PKHD1L1: variants seen among roughly 807,000 people sequenced by gnomAD.
The protein encoded by PKHD1L1 is fibrocystin-L.
Under a neutral mutation model 462.9 loss-of-function variants are expected in PKHD1L1, and 434 were observed. The ratio of observed to expected loss-of-function variants is 0.94; its 90% CI spans 0.87 to 1.02. The LOEUF (loss-of-function observed/expected upper bound fraction) is 1.02, where lower values mean the gene tolerates loss of function less well. Ranked by LOEUF, PKHD1L1 falls within the 50% of genes least tolerant of loss-of-function variation. The pLI, the probability that PKHD1L1 is intolerant of heterozygous loss-of-function variation, is 0.00. For missense variants in PKHD1L1, 5,202 were observed against 5,096.1 expected (o/e 1.02, Z -0.63); for synonymous variants, 1,781 against 1,750.0 (o/e 1.02, Z -0.44).
rs1821089168 is a variant in PKHD1L1, at chr8:109,533,592, T to C, written c.*3502T>C. On this transcript the variant is annotated 3_prime_UTR_variant, in exon 78 of 78. Transcript: ENST00000378402. Reference sequence around the variant, plus strand: ...GGTTACAAAAACAGACATTATCTCGTGGCATATTCTAGAAACTGACCTTAA... The same window carrying C: ...GGTTACAAAAACAGACATTATCTCGCGGCATATTCTAGAAACTGACCTTAA... Among the ~76,000 whole-genome samples, 7 of 152,356 alleles carry C rather than the reference T, an allele frequency of 4.6e-5. No individual in the cohort carries two copies. In the South Asian group the frequency reaches 1.5e-3, roughly 32 times the overall value.
intron 59 of PKHD1L1, among the ~76,000 whole-genome samples, chr8:109,487,124 GT>G (rs1302265760): frequency 1.3e-5 from 2 of 151,782 alleles, no homozygotes; most frequent in African/African-American, 4.8e-5. Flanking sequence ...TATTGTTTTT[GT>G]TTTGTTTTAA....
At chr8:109,421,644 C>T (rs537231334) in intron 23 of PKHD1L1, among the ~76,000 whole-genome samples, 1 of 152,068 alleles carries the variant, frequency 6.6e-6, no homozygotes, top group African/African-American at 2.4e-5. Flanking sequence ...ATTAGCCGGG[C>T]GTGGTGGCGG....
chr8:109,384,252 C>G lies in PKHD1L1; in HGVS notation c.475+125C>G, dbSNP rs1812316971. 3.6e-6 allele frequency: 3 copies of G among 827,530 alleles called. No individual in the cohort carries two copies. In the South Asian group the frequency reaches 5.2e-5, roughly 14 times the overall value. The allele number at this position is 827,530 out of a possible 1,614,324, so 51.3% of individuals were successfully genotyped here. A position where few individuals can be genotyped will look rare whatever the true frequency, so the allele number is the denominator to read the frequency against. On this transcript the variant is annotated intron_variant, in intron 5 of 77. Transcript: ENST00000378402. ...AGCATTTTTTTCATTATAAAAATAA[C>G]TATCAGCCAGGCGCGGTGGCTCATG...
intron 49 of PKHD1L1, 80 bp downstream of exon 49, chr8:109,465,325 A>G: frequency 7.0e-7 from 1 of 1,433,738 alleles, no homozygotes; most frequent in South Asian, 1.4e-5. Context: ...GTTAAAGCAG[A>G]CTTAGGTGCC....
At chr8:109,395,342 C>T (rs541301804) in intron 10 of PKHD1L1, among the ~76,000 whole-genome samples, 70 of 152,110 alleles carry the variant, frequency 4.6e-4, no homozygotes, top group African/African-American at 1.7e-3. Context: ...GAAAATTGTA[C>T]GTCATTCCCG....
At chr8:109,463,544 A>G (rs1817253001) in intron 48 of PKHD1L1, among the ~76,000 whole-genome samples, 2 of 152,122 alleles carry the variant, frequency 1.3e-5, no homozygotes, top group Non-Finnish European at 2.9e-5. Flanking sequence ...ATGAGATTAT[A>G]TGCTCACATG....
chr8:109,426,932 C>T (rs1317311473), intron 24 of PKHD1L1, 70 bp from the exon 25 acceptor site: 5 of 877,220 alleles, frequency 5.7e-6, no homozygotes, highest in African/African-American at 3.3e-5. Flanking sequence ...AGATTACAGG[C>T]GTGAACCACC....
At chr8:109,434,718 C>A (rs1815300510) in intron 28 of PKHD1L1, among the ~76,000 whole-genome samples, 1 of 152,180 alleles carries the variant, frequency 6.6e-6, no homozygotes, top group Non-Finnish European at 1.5e-5. Flanking sequence ...ATCCACCCGC[C>A]TCAGCCTTCT....
intron 17 of PKHD1L1, among the ~76,000 whole-genome samples, chr8:109,407,168 G>A (rs1397831686): frequency 6.6e-6 from 1 of 151,864 alleles, no homozygotes; most frequent in Non-Finnish European, 1.5e-5. Context: ...ACTTTTCTTT[G>A]GGCAATCATT....
Position 109,408,186 on chromosome 8 carries a change from C to T in PKHD1L1, c.1951C>T (p.Leu651=). ...WDGIASKPLT[L]WSSEAEFQGA... ...TGGGATCGCTTCTAAGCCACTCACTCTATGGTCATCAGAAGCTGAAGTACG... is the reference window on the plus strand; with the variant it reads ...TGGGATCGCTTCTAAGCCACTCACTTTATGGTCATCAGAAGCTGAAGTACG... Residue 651 remains leucine, a synonymous_variant, in exon 18 of 78, where the codon CTA becomes TTA. Transcript: ENST00000378402. The T allele has an allele frequency of 6.2e-7, 1 of 1,612,388 alleles. No homozygotes were observed. The highest frequency in any genetic ancestry group is 1.1e-5 in the South Asian group (1 of 90,890).
chr8:109,481,705 T>C lies in PKHD1L1; in HGVS notation c.9457+143T>C, dbSNP rs553592235. The stretch of plus-strand genomic sequence containing the variant: ...CTGATACAAAAGTATCAGAAGTTTT[T>C]ACAGAAATTTATTTATTGTAAAGGG... On this transcript the variant is annotated intron_variant, in intron 56 of 77. Transcript: ENST00000378402. The C allele has an allele frequency of 7.3e-5, 58 of 795,762 alleles. No individual in the cohort carries two copies. The Middle Eastern group carries it at 9.4e-4, about 13-fold the overall frequency. 49.3% of individuals were successfully genotyped at this position (795,762 alleles called of 1,614,324 possible). A position where few individuals can be genotyped will look rare whatever the true frequency, so the allele number is the denominator to read the frequency against.
chr8:109,448,185 G>A lies in PKHD1L1; in HGVS notation c.5819G>A (p.Gly1940Asp). ...ATTGAGATCACTGGATCCAACTTTG[G>A]CTTTGAGATCTTGGAAATCTCCGTG... ...TEIEITGSNF[G>D]FEILEISVMI... Residue 1940 changes from glycine (G) to aspartate (D), a missense_variant, in exon 39 of 78, where the codon GGC becomes GAC. By Grantham distance (94) the Gly-to-Asp change is moderately conservative. Transcript: ENST00000378402. 6.2e-7 allele frequency: 1 copy of A among 1,610,682 alleles called. No individual in the cohort carries two copies. The highest frequency in any genetic ancestry group is 1.1e-5 in the South Asian group (1 of 90,510).
At chr8:109,420,805 G>A in intron 23 of PKHD1L1, 115 bp downstream of exon 23, 1 of 786,684 alleles carries the variant, frequency 1.3e-6, no homozygotes. Context: ...ACTATTCTAA[G>A]GTTATATGAA....
At position 109,534,469 on chromosome 8, in the gene PKHD1L1, A is replaced by G. The variant is rs1821107048; in HGVS notation, c.*4379A>G. 6.6e-6 allele frequency among the ~76,000 whole-genome samples: 1 copy of G among 152,040 alleles called. No homozygotes were observed. The highest frequency in any genetic ancestry group is 1.5e-5 in the Non-Finnish European group (1 of 67,964). ...CAGAGCGAGACACATCTCAAAAAAA[A>G]AAACCCAAAAAACTTTAATCTGAAT... On this transcript the variant is annotated 3_prime_UTR_variant, in exon 78 of 78. Transcript: ENST00000378402.
intron 41 of PKHD1L1, 80 bp from the exon 42 acceptor site, chr8:109,452,044 C>A: frequency 5.5e-6 from 7 of 1,273,620 alleles, no homozygotes; most frequent in Non-Finnish European, 7.4e-6. Flanking sequence ...TGCAATAATA[C>A]ATAGGAATAA....
At position 109,425,084 on chromosome 8, in the gene PKHD1L1, G is replaced by C. The variant is rs1008346374; in HGVS notation, c.2698-1G>C. On this transcript the variant is annotated splice_acceptor_variant, in intron 23 of 77. Coordinates refer to ENST00000378402, the MANE Select transcript of PKHD1L1 (RefSeq NM_177531.6). LOFTEE classifies it high-confidence loss of function. ...TTATCAATATTTATTTTGGAAATTA[G>C]ATAATCACACATGAGACAGAGAACG... 3 of 1,561,272 alleles carry C rather than the reference G, an allele frequency of 1.9e-6. No individual in the cohort carries two copies. The African/African-American group carries it at 4.2e-5, about 22-fold the overall frequency.
chr8:109,388,281 C>G (rs951431220), intron 6 of PKHD1L1, among the ~76,000 whole-genome samples: 2 of 152,048 alleles, frequency 1.3e-5, no homozygotes, highest in Non-Finnish European at 2.9e-5. Flanking sequence ...AACAAAGGAA[C>G]CTTTGTTAAG....
chr8:109,455,541 A>G (rs539273439), intron 45 of PKHD1L1, among the ~76,000 whole-genome samples: 7 of 152,170 alleles, frequency 4.6e-5, no homozygotes, highest in African/African-American at 1.7e-4. Context: ...TATATATATA[A>G]AAAGACTAAG....
chr8:109,425,453 G>T (rs1234080782), intron 24 of PKHD1L1, among the ~76,000 whole-genome samples: 2 of 151,552 alleles, frequency 1.3e-5, no homozygotes, highest in African/African-American at 4.8e-5. Context: ...CAATCATAAA[G>T]GTGTTTCAAA....
Sources: allele counts gnomAD v4.1 joint callset (sites outside exome capture counted in the v4.1 genomes callset), GRCh38; gene constraint gnomAD v4.1.1; transcripts MANE v1.5; gene names NCBI Gene and HGNC (gene_info 2026-07-23, HGNC 2026-07-21).